The following NOVA1 variants were observed in gnomAD, a reference collection of about 807,000 sequenced individuals.
The protein encoded by NOVA1 is RNA-binding protein Nova-1.
Under a neutral mutation model 38.0 loss-of-function variants are expected in NOVA1, and 7 were observed. The observed-to-expected ratio is 0.18, with a 90% CI of 0.10 to 0.35. The LOEUF (loss-of-function observed/expected upper bound fraction) is 0.35. Ranked by LOEUF, NOVA1 falls within the 10% of genes least tolerant of loss-of-function variation. The pLI is 1.00. For synonymous variants in NOVA1, 270 were observed against 232.5 expected (o/e 1.16, Z -1.47); for missense variants, 460 against 616.0 (o/e 0.75, Z 2.68).
At chr14:26,499,843 C>T (rs1331820922) in intron 2 of NOVA1, among the ~76,000 whole-genome samples, 1 of 152,036 alleles carries the variant, frequency 6.6e-6, no homozygotes, top group Non-Finnish European at 1.5e-5. Flanking sequence ...TCAATTCCAG[C>T]GTGGTCTCAA....
intron 4 of NOVA1, among the ~76,000 whole-genome samples, chr14:26,453,040 CTAATGGTCTTTA>C (rs1441048975): frequency 5.3e-5 from 8 of 151,984 alleles, no homozygotes; most frequent in Non-Finnish European, 8.8e-5. Context: ...AGATATTTCC[CTAATGGTCTTTA>C]CACTCTTTTT....
In NOVA1 at chr14:26,479,989, A is replaced by C; in HGVS notation, c.435T>G (p.Asp145Glu). The C allele has an allele frequency of 6.2e-7, 1 of 1,613,860 alleles. No homozygotes were observed. The highest frequency in any genetic ancestry group is 8.5e-7 in the Non-Finnish European group (1 of 1,179,916). Residue 145 changes from aspartate to glutamate, a missense_variant, in exon 3 of 5, where the codon GAT (aspartate) becomes GAG (glutamate). Physicochemically the swap from Asp to Glu is conservative, Grantham distance 45. Coordinates refer to ENST00000539517, the MANE Select transcript of NOVA1 (RefSeq NM_002515.3). ...ILQPQTTVNP[D>E]RIKQTLPSSP... is the part of the protein sequence containing the mutation. ...ACTAAACACTCACTTGTTTGATGCG[A>C]TCTGGATTAACGGTGGTCTGGGGTT...
At chr14:26,542,423 TAAAGACTGCATTATTATAA>T (rs900565784) in intron 2 of NOVA1, among the ~76,000 whole-genome samples, 2 of 151,872 alleles carry the variant, frequency 1.3e-5, no homozygotes, top group African/African-American at 4.8e-5. Context: ...ATTTCAGTAA[TAAAGACTGCATTATTATAA>T]AAAGACTGCA....
chr14:26,541,521 A>T (rs912715170), intron 2 of NOVA1, among the ~76,000 whole-genome samples: 1 of 149,598 alleles, frequency 6.7e-6, no homozygotes, highest in African/African-American at 2.5e-5. Flanking sequence ...TTAGGAAATT[A>T]TATTTTTAGG....
intron 2 of NOVA1, among the ~76,000 whole-genome samples, chr14:26,559,625 A>G (rs1225816625): frequency 6.6e-6 from 1 of 152,196 alleles, no homozygotes; most frequent in Non-Finnish European, 1.5e-5. Flanking sequence ...GGTAAGTGAA[A>G]TAAGCCAAGC....
rs1160596199 is a variant in NOVA1, at chr14:26,542,208, T to C, written c.280+53202A>G. Among the ~76,000 whole-genome samples, 7 of 152,048 alleles carry C rather than the reference T, an allele frequency of 4.6e-5. No individual in the cohort carries two copies. The East Asian group carries it at 1.2e-3, about 25-fold the overall frequency. The stretch of plus-strand genomic sequence containing the variant: ...AGTTGATTTATCATCTTTCAGCCTT[T>C]AACAATGTGATTTGAAGGGAAAATA... On this transcript the variant is annotated intron_variant, in intron 2 of 4. Transcript: ENST00000539517.
At position 26,448,792 on chromosome 14, in the gene NOVA1, G is replaced by A. The variant is rs1882354139; in HGVS notation, c.691C>T (p.Arg231Ter). Residue 231 changes from arginine to a stop codon, truncating the protein, a stop_gained, in exon 5 of 5, where the codon CGA becomes TGA. Coordinates refer to ENST00000539517, the MANE Select transcript of NOVA1 (RefSeq NM_002515.3). LOFTEE classifies it high-confidence loss of function. The surrounding 1 kb of genome is among the most constrained non-coding windows in gnomAD (Gnocchi z 5.3). ...TGGATGATAAGTTCAACAGCTTTTCGGTTTTGTTCAGGTTCTCCACTCACA... is the reference window on the plus strand; with the variant it reads ...TGGATGATAAGTTCAACAGCTTTTCAGTTTTGTTCAGGTTCTCCACTCACA... Reference protein sequence around the residue: ...VTVSGEPEQNRKAVELIIQKI... With the variant: ...VTVSGEPEQN 1 of 1,614,016 alleles carries A rather than the reference G, an allele frequency of 6.2e-7. No homozygotes were observed. Among genetic ancestry groups the A allele is most frequent in the Non-Finnish European group, 8.5e-7 (1 of 1,180,002 alleles).
chr14:26,509,730 G>A (rs1488964241), intron 2 of NOVA1, among the ~76,000 whole-genome samples: 1 of 152,130 alleles, frequency 6.6e-6, no homozygotes, highest in East Asian at 1.9e-4. Context: ...ACCTAGGCTG[G>A]AGTGCAATGG....
Position 26,557,735 on chromosome 14 carries a change from T to C in NOVA1, c.280+37675A>G, listed in dbSNP as rs542286701. Among the ~76,000 whole-genome samples the C allele has an allele frequency of 5.3e-5, 8 of 152,142 alleles. No homozygotes were observed. The East Asian group carries it at 1.5e-3, about 29-fold the overall frequency. On this transcript the variant is annotated intron_variant, in intron 2 of 4. Coordinates refer to ENST00000539517, the MANE Select transcript of NOVA1 (RefSeq NM_002515.3). ...TACAAAACTAAGCATACTTTTAACA[T>C]ACAATACAGCAATCATGCTCCTTGG...
intron 1 of NOVA1, 115 bp downstream of exon 1, chr14:26,597,183 TGGA>T (rs1894247873): frequency 1.9e-6 from 2 of 1,059,272 alleles, no homozygotes; most frequent in Middle Eastern, 3.5e-4. Flanking sequence ...GGGTTCGGGC[TGGA>T]GGTGTCCGGG....
At position 26,484,433 on chromosome 14, in the gene NOVA1, A is replaced by G. The variant is rs1313387959; in HGVS notation, c.281-4290T>C. ...CCTGGGCGAGACTCCGTCTCGAAAAAAAAAAAAAAAAAAAAAAAAAAAAAA... is the reference window on the plus strand; with the variant it reads ...CCTGGGCGAGACTCCGTCTCGAAAAGAAAAAAAAAAAAAAAAAAAAAAAAA... On this transcript the variant is annotated intron_variant, in intron 2 of 4. Transcript: ENST00000539517. Among the ~76,000 whole-genome samples the G allele has an allele frequency of 1.5e-3, 130 of 85,358 alleles. 2 individuals carry two copies. Among genetic ancestry groups the G allele is most frequent in the African/African-American group, 7.9e-3 (120 of 15,184 alleles). 56.0% of individuals were successfully genotyped at this position (85,358 alleles called of 152,430 possible).
At chr14:26,461,356 G>C (rs901384523) in intron 4 of NOVA1, among the ~76,000 whole-genome samples, 1 of 152,044 alleles carries the variant, frequency 6.6e-6, no homozygotes, top group East Asian at 1.9e-4. Flanking sequence ...GATTTTGGGA[G>C]GTCACATAAC....
chr14:26,588,543 T>C (rs1893666469), intron 2 of NOVA1: 2 of 151,392 alleles, frequency 1.3e-5, no homozygotes, highest in African/African-American at 4.8e-5. Context: ...TGATCAAGAT[T>C]TGGATATCCA....
intron 2 of NOVA1, among the ~76,000 whole-genome samples, chr14:26,557,528 A>ATTT (rs375431107): frequency 5.0e-5 from 7 of 141,080 alleles, no homozygotes; most frequent in African/African-American, 7.9e-5. Context: ...TGACTGGCTA[A>ATTT]TTTTTTTTTT....
chr14:26,573,907 C>A (rs1378745614), intron 2 of NOVA1, among the ~76,000 whole-genome samples: 1 of 151,926 alleles, frequency 6.6e-6, no homozygotes, highest in Non-Finnish European at 1.5e-5. Flanking sequence ...TAAGGATGCT[C>A]AGCAACCCCA....
Position 26,496,531 on chromosome 14 carries a change from C to T in NOVA1, c.281-16388G>A, listed in dbSNP as rs572199709. Among the ~76,000 whole-genome samples, 384 of 152,042 alleles carry T rather than the reference C, an allele frequency of 2.5e-3. 1 individual carries two copies. Among genetic ancestry groups the T allele is most frequent in the African/African-American group, 8.8e-3 (364 of 41,472 alleles). On this transcript the variant is annotated intron_variant, in intron 2 of 4. Coordinates refer to ENST00000539517, the MANE Select transcript of NOVA1 (RefSeq NM_002515.3). ...CATTTGTCAATTTTGGCTTTTGTTG[C>T]CATTGCTTTTGGTGTTTTAGACATG...
chr14:26,463,856 C>A (rs1324889723), intron 4 of NOVA1, among the ~76,000 whole-genome samples: 1 of 152,070 alleles, frequency 6.6e-6, no homozygotes, highest in Non-Finnish European at 1.5e-5. Flanking sequence ...TATACCAGCA[C>A]CATTCATAAA....
chr14:26,470,231 T>C, intron 4 of NOVA1: 1 of 1,118,678 alleles, frequency 8.9e-7, no homozygotes, highest in Non-Finnish European at 1.2e-6. Context: ...ATCTTGGTTA[T>C]ATACTTCCAG....
intron 2 of NOVA1, among the ~76,000 whole-genome samples, chr14:26,563,460 T>A (rs1891948014): frequency 6.6e-6 from 1 of 151,660 alleles, no homozygotes; most frequent in African/African-American, 2.4e-5. Context: ...ATAACTACAA[T>A]TTTAAGATTT....
Sources: allele counts gnomAD v4.1 joint callset (sites outside exome capture counted in the v4.1 genomes callset), GRCh38; gene constraint gnomAD v4.1.1; non-coding constraint Gnocchi (gnomAD v3.1); transcripts MANE v1.5; gene names NCBI Gene and HGNC (gene_info 2026-07-23, HGNC 2026-07-21).